Variants in MID1 observed in about 807,000 individuals in gnomAD.
MID1 encodes midline 1, also known as E3 ubiquitin-protein ligase Midline-1.
Under a neutral mutation model 40.4 loss-of-function variants are expected in MID1, and 7 were observed. The observed-to-expected ratio is 0.17, with a 90% confidence interval of 0.10 to 0.33. The LOEUF (loss-of-function observed/expected upper bound fraction) is 0.33, where lower values mean the gene tolerates loss of function less well. Ranked by LOEUF, MID1 falls within the 10% of genes least tolerant of loss-of-function variation. The pLI, the probability that MID1 is intolerant of heterozygous loss-of-function variation, is 1.00. For synonymous variants in MID1, 229 were observed against 221.2 expected, an observed-to-expected ratio of 1.04 and a Z score of -0.31; for missense variants, 367 against 558.5, an observed-to-expected ratio of 0.66 and a Z score of 3.46.
In MID1 at chrX:10,506,063, C is replaced by T. The variant is rs971327131; in HGVS notation, c.757-10372G>A. ...GTTAAGCTTTGTTCTGCCTTCATGA[C>T]GCACCCACAAGTGATATCTATGAAA... On this transcript the variant is annotated intron_variant, in intron 3 of 9. Transcript: ENST00000317552. 60 of 779,026 alleles carry T rather than the reference C, an allele frequency of 7.7e-5. No homozygotes were observed. The Admixed American group carries it at 1.1e-3, about 14-fold the overall frequency. 64.2% of individuals were successfully genotyped at this position (779,026 alleles called of 1,213,427 possible).
At chrX:10,613,732 TAGAGAGAGAGAGAGAG>T (rs1163813461) in intron 1 of MID1, among the ~76,000 whole-genome samples, 3 of 17,469 alleles carry the variant, frequency 1.7e-4, no homozygotes, top group Non-Finnish European at 3.2e-4. Context: ...TATATATATA[TAGAGAGAGAGAGAGAG>T]AGAGAGAGAG....
chrX:10,610,718 C>T (rs1935722193), intron 1 of MID1, among the ~76,000 whole-genome samples: 1 of 111,773 alleles, frequency 8.9e-6, no homozygotes, highest in South Asian at 3.7e-4. Context: ...ACGATGTTTA[C>T]ATACCAATTA....
At chrX:10,557,044 T>C (rs1934147511) in intron 2 of MID1, among the ~76,000 whole-genome samples, 1 of 111,764 alleles carries the variant, frequency 8.9e-6, no homozygotes, top group Non-Finnish European at 1.9e-5. Flanking sequence ...CACAATTCCT[T>C]TGTTTCCTCA....
chrX:10,583,882 T>G (rs1464619539), intron 1 of MID1, among the ~76,000 whole-genome samples: 1 of 110,149 alleles, frequency 9.1e-6, no homozygotes, highest in Non-Finnish European at 1.9e-5. Context: ...AATACAAAAA[T>G]TAGCTGGGCA....
intron 1 of MID1, among the ~76,000 whole-genome samples, chrX:10,587,440 G>C (rs140171294): frequency 1.4e-4 from 16 of 112,968 alleles, no homozygotes; most frequent in African/African-American, 4.8e-4. Context: ...GACAGCCCTC[G>C]GGGGCTGACC....
intron 1 of MID1, among the ~76,000 whole-genome samples, chrX:10,831,426 A>G (rs993660940): frequency 8.1e-5 from 9 of 111,472 alleles, no homozygotes; most frequent in Non-Finnish European, 1.7e-4. Context: ...CAGGGCACCT[A>G]CTAACATCTT....
chrX:10,459,522 T>A lies in MID1; in HGVS notation c.1447+124A>T, dbSNP rs776020795. 18 of 769,465 alleles carry A rather than the reference T, an allele frequency of 2.3e-5. No individual in the cohort carries two copies. In the South Asian group the frequency reaches 3.3e-4, roughly 14 times the overall value. 63.4% of individuals were successfully genotyped at this position (769,465 alleles called of 1,213,427 possible). Reference sequence around the variant, plus strand: ...AAATTCCATTATTCCACACTGGCTTTTTACTTGTTTTGGGGGGCTGTCAAT... The same window carrying A: ...AAATTCCATTATTCCACACTGGCTTATTACTTGTTTTGGGGGGCTGTCAAT... On this transcript the variant is annotated intron_variant, in intron 8 of 9. Transcript: ENST00000317552.
chrX:10,478,060 A>AACCT (rs1930110293), intron 5 of MID1, among the ~76,000 whole-genome samples: 2 of 112,292 alleles, frequency 1.8e-5, no homozygotes, highest in African/African-American at 3.2e-5. Flanking sequence ...GGAGTCTGAG[A>AACCT]ACCTCCTAGG....
At chrX:10,502,287 G>A (rs904662986) in intron 3 of MID1, among the ~76,000 whole-genome samples, 6 of 112,408 alleles carry the variant, frequency 5.3e-5, no homozygotes, top group Non-Finnish European at 1.1e-4. Context: ...GTGCTTTATT[G>A]AAATAAGTTA....
intron 2 of MID1, among the ~76,000 whole-genome samples, chrX:10,540,501 G>A (rs960779924): frequency 8.9e-6 from 1 of 111,757 alleles, no homozygotes; most frequent in Non-Finnish European, 1.9e-5. Flanking sequence ...TTCAAAGTGA[G>A]AGTCAGTCTG....
intron 1 of MID1, among the ~76,000 whole-genome samples, chrX:10,813,604 T>C (rs138447553): frequency 3.2e-4 from 35 of 110,818 alleles, no homozygotes; most frequent in African/African-American, 1.1e-3. Context: ...GTTTGTAAAG[T>C]GTGATGGATG....
At chrX:10,617,433 C>T (rs925061039) in intron 1 of MID1, among the ~76,000 whole-genome samples, 1 of 112,282 alleles carries the variant, frequency 8.9e-6, no homozygotes, top group Non-Finnish European at 1.9e-5. Context: ...CAAACAGATT[C>T]ACGGCTTCCT....
intron 4 of MID1, among the ~76,000 whole-genome samples, chrX:10,489,657 A>G (rs778594588): frequency 2.7e-5 from 3 of 110,341 alleles, no homozygotes; most frequent in Non-Finnish European, 3.8e-5. Flanking sequence ...TCTTGAAATC[A>G]GCTGATGTTA....
intron 1 of MID1, among the ~76,000 whole-genome samples, chrX:10,784,213 T>C (rs1294150582): frequency 2.7e-5 from 3 of 110,812 alleles, no homozygotes; most frequent in Non-Finnish European, 5.7e-5. Flanking sequence ...AGGGATTACA[T>C]ACCCACACTG....
Position 10,830,977 on chromosome X carries a change from A to T in MID1, c.-187+2577T>A, listed in dbSNP as rs770649049. Among the ~76,000 whole-genome samples, 7 of 111,987 alleles carry T rather than the reference A, an allele frequency of 6.3e-5. No homozygotes were observed. In the South Asian group the frequency reaches 2.6e-3, roughly 42 times the overall value. On this transcript the variant is annotated intron_variant, in intron 1 of 10. Transcript: ENST00000380785. ...GGTTTGATCAATATTCTGGGCCTAG[A>T]TTGTCAAAGGCAGTTTCCTAACTTT...
intron 3 of MID1, among the ~76,000 whole-genome samples, chrX:10,510,046 C>T (rs1485867350): frequency 8.9e-6 from 1 of 111,937 alleles, no homozygotes; most frequent in Admixed American, 9.4e-5. Flanking sequence ...TCTCATTATT[C>T]TATTCATACA....
chrX:10,601,982 C>T (rs1473150138), intron 1 of MID1, among the ~76,000 whole-genome samples: 4 of 107,711 alleles, frequency 3.7e-5, no homozygotes, highest in Non-Finnish European at 5.8e-5. Flanking sequence ...CTGCAAGCTC[C>T]GCCTCCCGGG....
chrX:10,469,238 A>ATTTTTGTATTT, intron 7 of MID1: 1 of 595,077 alleles, frequency 1.7e-6, no homozygotes, highest in African/African-American at 2.4e-5. Flanking sequence ...CACCCCGCTA[A>ATTTTTGTATTT]TTTTTGTATT....
chrX:10,601,632 T>G (rs764587009), intron 1 of MID1, among the ~76,000 whole-genome samples: 1 of 111,585 alleles, frequency 9.0e-6, no homozygotes, highest in African/African-American at 3.3e-5. Context: ...AGCTTGACAC[T>G]TTCTCCCCTA....
Sources: gnomAD v4.1 joint callset for allele counts (sites outside exome capture counted in the v4.1 genomes callset) on GRCh38, gnomAD v4.1.1 for gene constraint, MANE v1.5 for transcripts, NCBI Gene and HGNC (gene_info 2026-07-23, HGNC 2026-07-21) for gene names.